The following GPC5 variants were observed in gnomAD, a reference collection of about 807,000 sequenced individuals.
GPC5 encodes the protein glypican-5.
In GPC5, 47 loss-of-function variants were observed where a neutral mutation model predicts 53.9. That is an observed-to-expected ratio of 0.87 (90% confidence interval 0.69 to 1.11). The LOEUF is 1.11. GPC5 is among the 50% of genes most tolerant of loss of function. GPC5 has a pLI of 0.00. For synonymous variants in GPC5, 286 were observed against 263.3 expected (o/e 1.09, Z -0.84); for missense variants, 748 against 713.1 (o/e 1.05, Z -0.56).
At chr13:91,821,205 G>A (rs1167140456) in intron 5 of GPC5, among the ~76,000 whole-genome samples, 1 of 152,046 alleles carries the variant, frequency 6.6e-6, no homozygotes, top group African/African-American at 2.4e-5. Flanking sequence ...TCTATTTACA[G>A]TTATTCCCAG....
chr13:92,334,877 G>A (rs1051973971), intron 7 of GPC5, among the ~76,000 whole-genome samples: 1 of 152,144 alleles, frequency 6.6e-6, no homozygotes, highest in Non-Finnish European at 1.5e-5. Flanking sequence ...ATGGCCTTGG[G>A]AAGCTCTGTC....
At chr13:92,425,720 C>A (rs1304770331) in intron 7 of GPC5, among the ~76,000 whole-genome samples, 1 of 152,056 alleles carries the variant, frequency 6.6e-6, no homozygotes, top group Non-Finnish European at 1.5e-5. Context: ...TTAGACAGTG[C>A]CTCTTGGCTC....
chr13:92,588,672 T>G (rs142686180), intron 7 of GPC5, among the ~76,000 whole-genome samples: 2 of 152,212 alleles, frequency 1.3e-5, no homozygotes, highest in Non-Finnish European at 2.9e-5. Context: ...ACAAGTCATA[T>G]GAAATATAGA....
intron 7 of GPC5, among the ~76,000 whole-genome samples, chr13:92,604,621 A>C (rs898674024): frequency 2.6e-5 from 4 of 152,324 alleles, no homozygotes; most frequent in Admixed American, 2.6e-4. Flanking sequence ...TTGTTTCTCA[A>C]ACTGAGTGAA....
At chr13:92,755,717 C>G (rs1399039149) in intron 7 of GPC5, among the ~76,000 whole-genome samples, 20 of 137,982 alleles carry the variant, frequency 1.4e-4, no homozygotes, top group Admixed American at 4.6e-4. Context: ...CGCAAATAAA[C>G]TAGAAAATCT....
At chr13:91,411,936 A>C (rs535044294) in intron 1 of GPC5, among the ~76,000 whole-genome samples, 2 of 152,346 alleles carry the variant, frequency 1.3e-5, no homozygotes, top group African/African-American at 2.4e-5. Context: ...AGTTTTTAGA[A>C]GTTCTAGTCA....
At chr13:92,610,949 C>G (rs1271512819) in intron 7 of GPC5, among the ~76,000 whole-genome samples, 1 of 148,008 alleles carries the variant, frequency 6.8e-6, no homozygotes, top group Non-Finnish European at 1.5e-5. Flanking sequence ...AAAGGCTAAC[C>G]ATATCAATCT....
intron 7 of GPC5, among the ~76,000 whole-genome samples, chr13:92,399,705 G>C (rs1373384505): frequency 4.6e-5 from 7 of 152,296 alleles, no homozygotes; most frequent in Non-Finnish European, 8.8e-5. Flanking sequence ...ATTACCCATA[G>C]AGCTTGTGGG....
intron 7 of GPC5, among the ~76,000 whole-genome samples, chr13:92,314,842 G>A (rs1308958944): frequency 2.0e-5 from 3 of 152,040 alleles, no homozygotes; most frequent in South Asian, 2.1e-4. Flanking sequence ...GCATGTTTAT[G>A]GCTCACTGCA....
At chr13:92,488,131 G>A (rs1472293327) in intron 7 of GPC5, among the ~76,000 whole-genome samples, 2 of 151,936 alleles carry the variant, frequency 1.3e-5, no homozygotes, top group African/African-American at 2.4e-5. Context: ...GTGTGTGTGC[G>A]CGTGTGTGTG....
chr13:92,445,724 G>T (rs370828606), intron 7 of GPC5, among the ~76,000 whole-genome samples: 2 of 151,732 alleles, frequency 1.3e-5, no homozygotes, highest in African/African-American at 2.4e-5. Flanking sequence ...ATTGTTGGAC[G>T]TTTGGGTTGG....
At chr13:91,459,072 G>C (rs941342889) in intron 2 of GPC5, among the ~76,000 whole-genome samples, 11 of 151,888 alleles carry the variant, frequency 7.2e-5, no homozygotes, top group Admixed American at 3.3e-4. Context: ...AGGGTGGGAG[G>C]GGGGTGAGGG....
intron 2 of GPC5, among the ~76,000 whole-genome samples, chr13:91,476,576 T>C (rs1273528719): frequency 6.6e-6 from 1 of 152,182 alleles, no homozygotes; most frequent in East Asian, 1.9e-4. Flanking sequence ...TGCCTTAGAA[T>C]TGAGTTTTCT....
At chr13:92,812,544 AAG>A (rs1268017424) in intron 7 of GPC5, among the ~76,000 whole-genome samples, 1 of 151,916 alleles carries the variant, frequency 6.6e-6, no homozygotes, top group Non-Finnish European at 1.5e-5. Context: ...TTGAATATGA[AAG>A]AGGGCATTTA....
chr13:92,703,650 A>C (rs1045936493), intron 7 of GPC5, among the ~76,000 whole-genome samples: 11 of 150,168 alleles, frequency 7.3e-5, no homozygotes, highest in South Asian at 2.1e-4. Flanking sequence ...AGATGTTATA[A>C]GTTTATTTAA....
chr13:92,581,842 G>A (rs908268628), intron 7 of GPC5, among the ~76,000 whole-genome samples: 1 of 151,948 alleles, frequency 6.6e-6, no homozygotes. Flanking sequence ...TATACCTGTT[G>A]GCTATTTTTA....
chr13:91,482,978 A>G (rs1883389842), intron 2 of GPC5, among the ~76,000 whole-genome samples: 1 of 151,590 alleles, frequency 6.6e-6, no homozygotes, highest in African/African-American at 2.4e-5. Context: ...TGTGTTTGTT[A>G]TAATATAGTA....
intron 6 of GPC5, among the ~76,000 whole-genome samples, chr13:91,939,791 G>A (rs2352200): frequency 0.43 from 64,924 of 151,692 alleles, 15,787 homozygotes; most frequent in East Asian, 0.74. Context: ...AGAAGGGGTT[G>A]AAGGAGATGG....
At chr13:92,474,147 G>GTT (rs3064719) in intron 7 of GPC5, among the ~76,000 whole-genome samples, 6 of 147,918 alleles carry the variant, frequency 4.1e-5, no homozygotes, top group African/African-American at 1.5e-4. Flanking sequence ...CCATTGATCT[G>GTT]TTTTTTTTTT....
Sources: allele counts gnomAD v4.1 joint callset (sites outside exome capture counted in the v4.1 genomes callset), GRCh38; gene constraint gnomAD v4.1.1; transcripts MANE v1.5; gene names NCBI Gene and HGNC (gene_info 2026-07-23, HGNC 2026-07-21).